Variants in CETN2 observed in about 807,000 individuals in gnomAD.
CETN2 encodes centrin-2.
CETN2 carries 2 observed loss-of-function variants against 12.6 expected under a neutral mutation model. That is an observed-to-expected ratio of 0.16 (90% CI 0.07 to 0.50). The LOEUF (loss-of-function observed/expected upper bound fraction) is 0.50. Among genes scored for constraint, CETN2 ranks in the 20% least tolerant of loss-of-function variants. The pLI is 0.96. For missense variants in CETN2, 81 were observed against 128.3 expected, an observed-to-expected ratio of 0.63 and a Z score of 1.78; for synonymous variants, 41 against 43.4, an observed-to-expected ratio of 0.94 and a Z score of 0.22.
chrX:152,828,946 A>T, intron 3 of CETN2: 1 of 459,027 alleles, frequency 2.2e-6, no homozygotes, highest in South Asian at 3.7e-5. Flanking sequence ...TTCTGTGGGA[A>T]GAGGTATCTG....
Position 152,827,695 on chromosome X carries a change from G to T in CETN2, c.*146C>A. On this transcript the variant is annotated 3_prime_UTR_variant, in exon 5 of 5. Coordinates refer to ENST00000370277, the MANE Select transcript of CETN2 (RefSeq NM_004344.3). ...GTAATATCAAAGAACACTTCCAAAC[G>T]GCTAAAATAGGCTCAAGGTCACTAT... 2.2e-6 allele frequency: 1 copy of T among 452,579 alleles called. No individual in the cohort carries two copies. Among genetic ancestry groups the T allele is most frequent in the East Asian group, 3.5e-5 (1 of 28,359 alleles). 37.3% of individuals were successfully genotyped at this position (452,579 alleles called of 1,213,427 possible).
At chrX:152,829,080 C>T in intron 3 of CETN2, 69 bp downstream of exon 3, 1 of 1,150,118 alleles carries the variant, frequency 8.7e-7, no homozygotes, top group South Asian at 1.9e-5. Flanking sequence ...ACTGTTTTAA[C>T]AGGAAGACGC....
chrX:152,827,802 AGTTACAT>A lies in CETN2; in HGVS notation c.*32_*38del. ...TCACACCATGGCAGGCACTAAATCT[AGTTACAT>A]GTGCTTGCAGTAGAAAAAGAAGACA... On this transcript the variant is annotated 3_prime_UTR_variant, in exon 5 of 5. Transcript: ENST00000370277. 9.1e-7 allele frequency: 1 copy of A among 1,100,094 alleles called. No individual in the cohort carries two copies. The highest frequency in any genetic ancestry group is 1.9e-5 in the South Asian group (1 of 53,965). 90.7% of individuals were successfully genotyped at this position (1,100,094 alleles called of 1,213,427 possible). A position where few individuals can be genotyped will look rare whatever the true frequency, so the allele number is the denominator to read the frequency against.
In CETN2 at chrX:152,828,597, G is replaced by T; in HGVS notation, c.369C>A (p.Phe123Leu). 1 of 1,210,512 alleles carries T rather than the reference G, an allele frequency of 8.3e-7. No homozygotes were observed. Among genetic ancestry groups the T allele is most frequent in the Non-Finnish European group, 1.1e-6 (1 of 894,527 alleles). ...CCTTGGCCACGCGTTTCAGATTTTT[G>T]AACGAAATCTTCCCAGTTTCATCAT... ...FDDDETGKIS[F>L]KNLKRVAKEL... is the part of the protein sequence containing the mutation. Residue 123 changes from phenylalanine (F) to leucine (L), a missense_variant, in exon 4 of 5, where the codon TTC becomes TTA. Coordinates refer to ENST00000370277, the MANE Select transcript of CETN2 (RefSeq NM_004344.3).
At chrX:152,828,128 T>C (rs1249841460) in intron 4 of CETN2, among the ~76,000 whole-genome samples, 198 bp from the exon 5 acceptor site, 1 of 111,278 alleles carries the variant, frequency 9.0e-6, no homozygotes, top group Non-Finnish European at 1.9e-5. Context: ...TGGCAAGCAA[T>C]AGACTTTTAA....
Position 152,827,855 on chromosome X carries a change from T to C in CETN2, c.505A>G (p.Thr169Ala). 9 of 1,207,469 alleles carry C rather than the reference T, an allele frequency of 7.5e-6. No individual in the cohort carries two copies. The highest frequency in any genetic ancestry group is 1.0e-5 in the Non-Finnish European group (9 of 892,502). ...AGACACTGATCTTAATAGAGGCTGGTCTTTTTCATGATGCGCAGGAACTCT... is the reference window on the plus strand; with the variant it reads ...AGACACTGATCTTAATAGAGGCTGGCCTTTTTCATGATGCGCAGGAACTCT... ...EQEFLRIMKK[T>A]SLY Residue 169 changes from threonine (T) to alanine (A), a missense_variant, in exon 5 of 5, where the codon ACC becomes GCC. Physicochemically the swap from Thr to Ala is moderately conservative, Grantham distance 58 (BLOSUM62 0). Transcript: ENST00000370277.
At chrX:152,830,683 G>C (rs1556843255) in intron 1 of CETN2, 25 bp downstream of exon 1, 2 of 1,178,397 alleles carry the variant, frequency 1.7e-6, no homozygotes, top group Non-Finnish European at 2.3e-6. Flanking sequence ...CTGGGCGTGG[G>C]GCGCGACAGA....
At chrX:152,828,151 G>C (rs6653487) in intron 4 of CETN2, among the ~76,000 whole-genome samples, 1,769 of 111,438 alleles carry the variant, frequency 0.016, 38 homozygotes, top group African/African-American at 0.055. Flanking sequence ...TATGTGAATA[G>C]ATAATTTGTA....
At chrX:152,829,301 C>T in intron 2 of CETN2, 24 bp from the exon 3 acceptor site, 1 of 1,163,010 alleles carries the variant, frequency 8.6e-7, no homozygotes, top group African/African-American at 1.8e-5. Flanking sequence ...AGGATCGTCT[C>T]AATAAGCACA....
chrX:152,829,513 G>A (rs1932982167), intron 2 of CETN2, 89 bp downstream of exon 2: 2 of 1,036,063 alleles, frequency 1.9e-6, no homozygotes, highest in Non-Finnish European at 2.6e-6. Context: ...AGGGAGAAGA[G>A]GGCAAAAGGG....
rs1932996067 is a variant in CETN2, at chrX:152,830,579, G to A, written c.3+129C>T. ...TTAGCGTCTGTACCCTACTCTCCCG[G>A]GAAAGAGCTCAAAGGAAAGACTGGT... On this transcript the variant is annotated intron_variant, in intron 1 of 4. Coordinates refer to ENST00000370277, the MANE Select transcript of CETN2 (RefSeq NM_004344.3). 34 of 869,379 alleles carry A rather than the reference G, an allele frequency of 3.9e-5. No homozygotes were observed. In the South Asian group the frequency reaches 8.7e-4, roughly 22 times the overall value. The allele number at this position is 869,379 out of a possible 1,213,427, so 71.6% of individuals were successfully genotyped here.
chrX:152,828,606 C>T lies in CETN2; in HGVS notation c.360G>A (p.Lys120=), dbSNP rs1227470475. 3.3e-6 allele frequency: 4 copies of T among 1,209,047 alleles called. No homozygotes were observed. Among genetic ancestry groups the T allele is most frequent in the Non-Finnish European group, 4.5e-6 (4 of 894,281 alleles). The change falls in exon 4 of 5, where the codon AAG becomes AAA. Residue 120 remains lysine, a synonymous_variant. Transcript: ENST00000370277. ...FKLFDDDETG[K]ISFKNLKRVA... is the part of the protein sequence containing the mutation. ...CGCGTTTCAGATTTTTGAACGAAAT[C>T]TTCCCAGTTTCATCATCATCAAAGA...
chrX:152,829,834 A>C (rs1346301893), intron 1 of CETN2, 74 bp from the exon 2 acceptor site: 1 of 832,159 alleles, frequency 1.2e-6, no homozygotes, highest in Non-Finnish European at 1.6e-6. Context: ...AGTTACAGAC[A>C]CCCATATGTA....
chrX:152,830,445 G>A (rs184197135), intron 1 of CETN2, among the ~76,000 whole-genome samples: 13 of 113,274 alleles, frequency 1.1e-4, no homozygotes, highest in Non-Finnish European at 2.1e-4. Flanking sequence ...TTTTTGCCCA[G>A]GGAGGTTCAC....
At position 152,827,285 on chromosome X, in the gene CETN2, C is replaced by T. The variant is rs1287703702; in HGVS notation, c.*556G>A. Reference sequence around the variant, plus strand: ...TCAACACAATAATTGAGAAGAGGAACTCATAAGCAAAGCTAAAGAACTCAT... The same window carrying T: ...TCAACACAATAATTGAGAAGAGGAATTCATAAGCAAAGCTAAAGAACTCAT... On this transcript the variant is annotated 3_prime_UTR_variant, in exon 5 of 5. Transcript: ENST00000370277. The T allele has an allele frequency of 1.8e-5, 2 of 112,625 alleles. No homozygotes were observed. Among genetic ancestry groups the T allele is most frequent in the Non-Finnish European group, 3.7e-5 (2 of 53,370 alleles). The allele number at this position is 112,625 out of a possible 1,213,427, so 9.3% of individuals were successfully genotyped here.
intron 4 of CETN2, 64 bp from the exon 5 acceptor site, chrX:152,827,994 A>AT: frequency 1.1e-6 from 1 of 914,404 alleles, no homozygotes; most frequent in African/African-American, 2.0e-5. Context: ...TAAGTAATAG[A>AT]CTTTTTTTTT....
Position 152,828,875 on chromosome X carries a change from C to T in CETN2, c.292-201G>A, listed in dbSNP as rs782568507. On this transcript the variant is annotated intron_variant, in intron 3 of 4. Transcript: ENST00000370277. ...AAGCCAGGCACTCCATCCAAGGTGACGTTTGCTACCTATCGCTATATCTCT... is the reference window on the plus strand; with the variant it reads ...AAGCCAGGCACTCCATCCAAGGTGATGTTTGCTACCTATCGCTATATCTCT... The T allele has an allele frequency of 4.1e-5, 18 of 441,954 alleles. No individual in the cohort carries two copies. The South Asian group carries it at 5.1e-4, about 13-fold the overall frequency. 36.4% of individuals were successfully genotyped at this position (441,954 alleles called of 1,213,427 possible).
At position 152,829,297 on chromosome X, in the gene CETN2, G is replaced by A. The variant is rs1291072409; in HGVS notation, c.163-20C>T. ...TGCCACCTATAAAGAAAACAGGATC[G>A]TCTCAATAAGCACATCTAAAGTAGC... On this transcript the variant is annotated intron_variant, in intron 2 of 4. Transcript: ENST00000370277. 6.9e-6 allele frequency: 8 copies of A among 1,165,915 alleles called. No homozygotes were observed. In the African/African-American group the frequency reaches 7.2e-5, roughly 11 times the overall value.
intron 1 of CETN2, 71 bp downstream of exon 1, chrX:152,830,637 G>T (rs1932996514): frequency 2.7e-6 from 3 of 1,126,310 alleles, no homozygotes; most frequent in Non-Finnish European, 3.6e-6. Context: ...AGGAGAGGCG[G>T]CGTGGCCGAG....
Sources: allele counts gnomAD v4.1 joint callset (sites outside exome capture counted in the v4.1 genomes callset), GRCh38; gene constraint gnomAD v4.1.1; transcripts MANE v1.5; gene names NCBI Gene and HGNC (gene_info 2026-07-23, HGNC 2026-07-21).